Variants in PCSK2 observed in about 807,000 individuals in gnomAD.
PCSK2 encodes the protein neuroendocrine convertase 2.
A neutral mutation model predicts 69.7 loss-of-function variants in PCSK2; 14 were observed. That is an observed-to-expected ratio of 0.20 (90% CI 0.13 to 0.31). The LOEUF (loss-of-function observed/expected upper bound fraction) is 0.31, where lower values mean the gene tolerates loss of function less well. Ranked by LOEUF, PCSK2 falls within the 10% of genes least tolerant of loss-of-function variation. The pLI, the probability that PCSK2 is intolerant of heterozygous loss-of-function variation, is 1.00. For missense variants in PCSK2, 544 were observed against 842.5 expected, an observed-to-expected ratio of 0.65 and a Z score of 4.39; for synonymous variants, 307 against 320.7, an observed-to-expected ratio of 0.96 and a Z score of 0.46.
At chr20:17,378,507 G>A (rs1288059957) in intron 5 of PCSK2, among the ~76,000 whole-genome samples, 3 of 152,140 alleles carry the variant, frequency 2.0e-5, no homozygotes, top group Non-Finnish European at 4.4e-5. Context: ...TTACTCATGA[G>A]AGAATGAACC....
intron 2 of PCSK2, among the ~76,000 whole-genome samples, chr20:17,350,706 CT>C (rs1221834716): frequency 6.6e-6 from 1 of 152,110 alleles, no homozygotes; most frequent in Non-Finnish European, 1.5e-5. Flanking sequence ...GCTTCCAAAC[CT>C]TTTTTTCCTC....
intron 2 of PCSK2, among the ~76,000 whole-genome samples, chr20:17,315,910 G>T (rs958878707): frequency 2.6e-5 from 4 of 152,312 alleles, no homozygotes; most frequent in Non-Finnish European, 5.9e-5. Flanking sequence ...GGAGCAAGGG[G>T]CTCTAGCTGC....
In PCSK2 at chr20:17,274,997, C is replaced by T. The variant is rs936292594; in HGVS notation, c.282+14653C>T. On this transcript the variant is annotated intron_variant, in intron 2 of 11. Coordinates refer to ENST00000262545, the MANE Select transcript of PCSK2 (RefSeq NM_002594.5). Reference sequence around the variant, plus strand: ...GTTTTTGTGGTGTTTATATTTAACTCGTAAACTTGTCTTAGTTTTATAGTT... The same window carrying T: ...GTTTTTGTGGTGTTTATATTTAACTTGTAAACTTGTCTTAGTTTTATAGTT... Among the ~76,000 whole-genome samples, 4 of 151,292 alleles carry T rather than the reference C, an allele frequency of 2.6e-5. No homozygotes were observed. The South Asian group carries it at 6.3e-4, about 24-fold the overall frequency.
intron 5 of PCSK2, among the ~76,000 whole-genome samples, chr20:17,398,802 A>G (rs2031571853): frequency 6.6e-6 from 1 of 151,998 alleles, no homozygotes; most frequent in South Asian, 2.1e-4. Flanking sequence ...ACCCCAGATT[A>G]ATTAAATCAG....
chr20:17,312,308 T>C (rs1401112608), intron 2 of PCSK2, among the ~76,000 whole-genome samples: 1 of 152,176 alleles, frequency 6.6e-6, no homozygotes, highest in African/African-American at 2.4e-5. Context: ...TTCCTTGTAA[T>C]TTCTCTAGAA....
chr20:17,482,861 A>G lies in PCSK2; in HGVS notation c.*791A>G, dbSNP rs1458147057. On this transcript the variant is annotated 3_prime_UTR_variant, in exon 12 of 12. Transcript: ENST00000262545. ...TTGTATAGAGTTCATCCCAGCCCCA[A>G]TTTTCTGGGGCTCCTCACATAGCTA... The G allele has an allele frequency of 6.6e-6, 1 of 152,252 alleles. No individual in the cohort carries two copies. Among genetic ancestry groups the G allele is most frequent in the African/African-American group, 2.4e-5 (1 of 41,394 alleles). 9.4% of individuals were successfully genotyped at this position (152,252 alleles called of 1,614,324 possible). A position where few individuals can be genotyped will look rare whatever the true frequency, so the allele number is the denominator to read the frequency against.
intron 1 of PCSK2, among the ~76,000 whole-genome samples, chr20:17,251,441 A>C (rs1986975026): frequency 6.6e-6 from 1 of 152,210 alleles, no homozygotes; most frequent in Non-Finnish European, 1.5e-5. Flanking sequence ...ATTTTTATTC[A>C]CAGAAAAGAC....
At chr20:17,420,655 T>C (rs1211782528) in intron 6 of PCSK2, among the ~76,000 whole-genome samples, 1 of 152,228 alleles carries the variant, frequency 6.6e-6, no homozygotes, top group Non-Finnish European at 1.5e-5. Context: ...CTTTGTAAGC[T>C]AATGTGTACA....
intron 5 of PCSK2, among the ~76,000 whole-genome samples, chr20:17,376,495 G>A (rs2030931571): frequency 6.6e-6 from 1 of 152,100 alleles, no homozygotes; most frequent in African/African-American, 2.4e-5. Flanking sequence ...GCCTATCCTA[G>A]ACCTACTGAA....
chr20:17,317,978 A>AT (rs1261000231), intron 2 of PCSK2, among the ~76,000 whole-genome samples: 1 of 152,222 alleles, frequency 6.6e-6, no homozygotes, highest in African/African-American at 2.4e-5. Flanking sequence ...GGTTTGCCTG[A>AT]TTCTATTTTA....
chr20:17,370,314 T>C (rs1211189172), intron 5 of PCSK2, among the ~76,000 whole-genome samples: 1 of 152,196 alleles, frequency 6.6e-6, no homozygotes, highest in Non-Finnish European at 1.5e-5. Context: ...CTGGGTCATT[T>C]GTCCTGGAAG....
chr20:17,289,056 A>G (rs922037665), intron 2 of PCSK2, among the ~76,000 whole-genome samples: 1 of 152,220 alleles, frequency 6.6e-6, no homozygotes, highest in Non-Finnish European at 1.5e-5. Flanking sequence ...AGAAAGAAGC[A>G]TTTCCTTTCT....
chr20:17,343,521 C>T (rs1010268910), intron 2 of PCSK2, among the ~76,000 whole-genome samples: 6 of 152,198 alleles, frequency 3.9e-5, no homozygotes, highest in South Asian at 2.1e-4. Context: ...TCTCTGCATG[C>T]GGGAGGCAGA....
Position 17,429,452 on chromosome 20 carries a change from CAGG to C in PCSK2, c.641_643del (p.Gly214del), listed in dbSNP as rs2032319694. The C allele has an allele frequency of 1.2e-6, 2 of 1,613,684 alleles. No homozygotes were observed. The highest frequency in any genetic ancestry group is 1.3e-5 in the African/African-American group (1 of 74,910). On this transcript the variant is annotated inframe_deletion, in exon 7 of 12. Transcript: ENST00000262545. ...TTCCAAAGCCACGGGACCCGATGTG[CAGG>C]AGAAGTTTCTGCTGCCGCCAACAAC...
At position 17,453,944 on chromosome 20, in the gene PCSK2, C is replaced by T. The variant is rs1012521327; in HGVS notation, c.1088C>T (p.Pro363Leu). The T allele has an allele frequency of 6.2e-7, 1 of 1,614,218 alleles. No homozygotes were observed. The highest frequency in any genetic ancestry group is 1.7e-5 in the Admixed American group (1 of 60,026). The change falls in exon 9 of 12, where the codon CCC becomes CTC. Residue 363 changes from proline (P) to leucine (L), a missense_variant. Physicochemically the swap from Pro to Leu is moderately conservative, Grantham distance 98. Around this residue, in one of 3 missense-constraint regions of PCSK2, gnomAD observed 187 missense variants for 399.8 expected, o/e 0.47. Transcript: ENST00000262545. This position sits in a 1 kb window ranked among gnomAD's most constrained non-coding sequence, Gnocchi z 4.0. ...TTCAGCAACGGGAGGAAAAGGAACC[C>T]CGAGGCCGGTGTGGTGAGCACGTCC... The part of the protein sequence containing the change: ...STFSNGRKRN[P>L]EAGVATTDLY...
intron 5 of PCSK2, among the ~76,000 whole-genome samples, chr20:17,375,690 G>T (rs1568624067): frequency 6.6e-6 from 1 of 152,118 alleles, no homozygotes; most frequent in Non-Finnish European, 1.5e-5. Flanking sequence ...GGGAGGATGG[G>T]CCACTTCTTG....
chr20:17,419,842 C>T (rs977453719), intron 6 of PCSK2, among the ~76,000 whole-genome samples: 2 of 152,200 alleles, frequency 1.3e-5, no homozygotes, highest in Non-Finnish European at 2.9e-5. Context: ...GTGTTCACTA[C>T]TGAAATGTCA....
chr20:17,323,022 G>A (rs147480327), intron 2 of PCSK2, among the ~76,000 whole-genome samples: 2 of 152,132 alleles, frequency 1.3e-5, no homozygotes, highest in East Asian at 1.9e-4. Flanking sequence ...ATGCCACCAC[G>A]CCTGGCTAAT....
intron 2 of PCSK2, among the ~76,000 whole-genome samples, chr20:17,289,998 G>C (rs1988645341): frequency 6.6e-6 from 1 of 152,178 alleles, no homozygotes; most frequent in Non-Finnish European, 1.5e-5. Flanking sequence ...TTTGCTCATT[G>C]TTTAGGTTTT....
Sources: gnomAD v4.1 joint callset for allele counts (sites outside exome capture counted in the v4.1 genomes callset) on GRCh38, gnomAD v4.1.1 for gene constraint, gnomAD v4.1.1 regional missense constraint, Gnocchi (gnomAD v3.1) non-coding constraint, MANE v1.5 for transcripts, NCBI Gene and HGNC (gene_info 2026-07-23, HGNC 2026-07-21) for gene names.